MINAR1: variants seen among roughly 807,000 people sequenced by gnomAD.
MINAR1 encodes membrane integral NOTCH2 associated receptor 1.
Under a neutral mutation model 65.1 loss-of-function variants are expected in MINAR1, and 40 were observed. The ratio of observed to expected loss-of-function variants is 0.61; its 90% confidence interval spans 0.48 to 0.80. The LOEUF is 0.80. Ranked by LOEUF, MINAR1 falls within the 30% of genes least tolerant of loss-of-function variation. The probability of loss-of-function intolerance (pLI) is 0.00; values close to 1 mark genes in which losing one functional copy is unlikely to be tolerated. For missense variants in MINAR1, 1,128 were observed against 1,148.0 expected (o/e 0.98, Z 0.25); for synonymous variants, 482 against 449.1 (o/e 1.07, Z -0.93).
intron 3 of MINAR1, 146 bp downstream of exon 3, chr15:79,463,467 A>G (rs1270996754): frequency 2.2e-6 from 2 of 919,050 alleles, no homozygotes; most frequent in East Asian, 2.6e-5. Context: ...CAGAACTTTA[A>G]TAAATCATAG....
In MINAR1 at chr15:79,471,283, G is replaced by GTAAT. The variant is rs1485065645; in HGVS notation, c.*2900_*2903dup. ...ACTTCGTTTTTCCTGCATTTTAAAA[G>GTAAT]TAATAAAATATTATTTGAGATTATT... is the stretch of plus-strand genomic sequence containing the variant. On this transcript the variant is annotated 3_prime_UTR_variant, in exon 4 of 4. Coordinates refer to ENST00000305428, the MANE Select transcript of MINAR1 (RefSeq NM_015206.3). The GTAAT allele has an allele frequency of 6.6e-6, 1 of 152,458 alleles. No individual in the cohort carries two copies. The highest frequency in any genetic ancestry group is 1.5e-5 in the Non-Finnish European group (1 of 68,030). 9.4% of individuals were successfully genotyped at this position (152,458 alleles called of 1,614,324 possible).
In MINAR1 at chr15:79,457,379, G is replaced by A. The variant is rs141252372; in HGVS notation, c.1232G>A (p.Arg411His). 40 of 1,613,994 alleles carry A rather than the reference G, an allele frequency of 2.5e-5. No individual in the cohort carries two copies. Among genetic ancestry groups the A allele is most frequent in the South Asian group, 4.4e-5 (4 of 91,076 alleles). The change falls in exon 2 of 4, where the codon CGC (arginine) becomes CAC (histidine). Residue 411 changes from arginine (R) to histidine (H), a missense_variant. By Grantham distance (29) the Arg-to-His change is conservative. Transcript: ENST00000305428. ...CCCAATTTCCCAGCCCCAGAAAGGC[G>A]CCCAACTTACCTTGTGCCAAAGGAT... is the stretch of plus-strand genomic sequence containing the variant. ...QTPNFPAPER[R>H]PTYLVPKDQQ...
rs1896115305 is a variant in MINAR1, at chr15:79,472,298, TA to T, written c.*3915del. On this transcript the variant is annotated 3_prime_UTR_variant, in exon 4 of 4. Transcript: ENST00000305428. ...ATAATCAGAAATAAACCGAAAAAAA[TA>T]TAAAATGTCTTGCAGTGAGAGTTGA... 1 of 152,546 alleles carries T rather than the reference TA, an allele frequency of 6.6e-6. No individual in the cohort carries two copies. Among genetic ancestry groups the T allele is most frequent in the Non-Finnish European group, 1.5e-5 (1 of 68,020 alleles). The allele number at this position is 152,546 out of a possible 1,614,324, so 9.4% of individuals were successfully genotyped here. A position where few individuals can be genotyped will look rare whatever the true frequency, so the allele number is the denominator to read the frequency against.
chr15:79,452,529 G>A (rs918688129), intron 1 of MINAR1, among the ~76,000 whole-genome samples: 15 of 135,322 alleles, frequency 1.1e-4, no homozygotes, highest in African/African-American at 3.8e-4. Flanking sequence ...GGTATGACTG[G>A]GTGAGTGTGT....
chr15:79,443,418 G>A (rs1201248001), intron 1 of MINAR1, among the ~76,000 whole-genome samples: 1 of 152,118 alleles, frequency 6.6e-6, no homozygotes, highest in Non-Finnish European at 1.5e-5. Flanking sequence ...CAGGTGTCAG[G>A]GCAGCACATC....
chr15:79,456,294 G>A lies in MINAR1; in HGVS notation c.147G>A (p.Val49=). The change falls in exon 2 of 4, where the codon GTG becomes GTA. Residue 49 remains valine (V), a synonymous_variant. Coordinates refer to ENST00000305428, the MANE Select transcript of MINAR1 (RefSeq NM_015206.3). ...DLSQLAKLRS[V]LFYTACLDPN... is the part of the protein sequence containing the mutation. The stretch of plus-strand genomic sequence containing the variant: ...CGCAGCTTGCCAAACTGAGAAGTGT[G>A]CTCTTCTACACAGCTTGTCTCGATC... 6.2e-7 allele frequency: 1 copy of A among 1,614,148 alleles called. No homozygotes were observed. Among genetic ancestry groups the A allele is most frequent in the Non-Finnish European group, 8.5e-7 (1 of 1,180,038 alleles).
intron 1 of MINAR1, among the ~76,000 whole-genome samples, chr15:79,451,918 T>C (rs1057121940): frequency 2.2e-4 from 34 of 152,250 alleles, no homozygotes; most frequent in African/African-American, 7.9e-4. Context: ...GCTGGGATGT[T>C]AAGAAAGTTT....
the MINAR1 span, chr15:79,424,239 C>G: frequency 3.9e-5 from 6 of 152,330 alleles, no homozygotes; most frequent in African/African-American, 1.4e-4. Context: ...ACCAGACATT[C>G]AGATAGAGAG....
At chr15:79,431,940 G>T (rs1264660214), upstream of MINAR1, among the ~76,000 whole-genome samples, 30 of 152,178 alleles carry the variant, frequency 2.0e-4, no homozygotes, top group Admixed American at 2.0e-3. Context: ...CCCTTGGCGC[G>T]ACGCCGCGCC....
At chr15:79,444,894 A>C (rs1342868795) in intron 1 of MINAR1, among the ~76,000 whole-genome samples, 2 of 152,074 alleles carry the variant, frequency 1.3e-5, no homozygotes, top group Non-Finnish European at 2.9e-5. Context: ...TGTATAGATC[A>C]AGTGTGTTAA....
chr15:79,468,561 C>T lies in MINAR1; in HGVS notation c.*177C>T, dbSNP rs1477022311. 3.2e-6 allele frequency: 2 copies of T among 616,900 alleles called. No individual in the cohort carries two copies. The highest frequency in any genetic ancestry group is 4.1e-5 in the South Asian group (2 of 49,380). The allele number at this position is 616,900 out of a possible 1,614,324, so 38.2% of individuals were successfully genotyped here. On this transcript the variant is annotated 3_prime_UTR_variant, in exon 4 of 4. Transcript: ENST00000305428. ...GTATACATTCTAGTGAGAAATCTACCTACCTATTAGCTTTGACTCAATTAC... is the reference window on the plus strand; with the variant it reads ...GTATACATTCTAGTGAGAAATCTACTTACCTATTAGCTTTGACTCAATTAC...
the MINAR1 span, chr15:79,417,918 C>G: frequency 6.6e-6 from 1 of 152,230 alleles, no homozygotes; most frequent in Non-Finnish European, 1.5e-5. Context: ...CGGGCTTGGC[C>G]GTGCTGTTGA....
In MINAR1 at chr15:79,468,652, A is replaced by G; in HGVS notation, c.*268A>G. Reference sequence around the variant, plus strand: ...AAAAGAACATCATGGACTATCAATAAATACAAATTGAATATTCCAAGCCAA... The same window carrying G: ...AAAAGAACATCATGGACTATCAATAGATACAAATTGAATATTCCAAGCCAA... On this transcript the variant is annotated 3_prime_UTR_variant, in exon 4 of 4. Coordinates refer to ENST00000305428, the MANE Select transcript of MINAR1 (RefSeq NM_015206.3). The G allele has an allele frequency of 4.5e-6, 2 of 442,820 alleles. No individual in the cohort carries two copies. Among genetic ancestry groups the G allele is most frequent in the Non-Finnish European group, 8.1e-6 (2 of 248,036 alleles). 27.4% of individuals were successfully genotyped at this position (442,820 alleles called of 1,614,324 possible).
At chr15:79,433,054 G>C (rs1167148597) in intron 1 of MINAR1, among the ~76,000 whole-genome samples, 1 of 152,200 alleles carries the variant, frequency 6.6e-6, no homozygotes, top group African/African-American at 2.4e-5. Context: ...TGTTCTTCCC[G>C]AGGGTTTGAT....
chr15:79,458,411 G>T lies in MINAR1; in HGVS notation c.2264G>T (p.Gly755Val), dbSNP rs748845023. The T allele has an allele frequency of 3.7e-6, 6 of 1,611,488 alleles. No individual in the cohort carries two copies. Among genetic ancestry groups the T allele is most frequent in the Non-Finnish European group, 4.2e-6 (5 of 1,178,992 alleles). ...GAGGAGATAAAAGACACAGGCCCAG[G>T]AGATAATAAAGACTGGCATCGGAAA... The part of the protein sequence containing the change: ...NEEEIKDTGP[G>V]DNKDWHRKSK... The change falls in exon 2 of 4, where the codon GGA becomes GTA. Residue 755 changes from glycine to valine, a missense_variant. Physicochemically the swap from Gly to Val is moderately radical, Grantham distance 109. Coordinates refer to ENST00000305428, the MANE Select transcript of MINAR1 (RefSeq NM_015206.3).
rs573975433 is a variant in MINAR1, at chr15:79,461,731, G to A, written c.2299-1336G>A. ...GCTGGTAGGTGGAGATGTGTTTCCA[G>A]TCCCCATGCAGGTGTAGGACCCACA... On this transcript the variant is annotated intron_variant, in intron 2 of 3. Coordinates refer to ENST00000305428, the MANE Select transcript of MINAR1 (RefSeq NM_015206.3). Among the ~76,000 whole-genome samples, 6 of 152,264 alleles carry A rather than the reference G, an allele frequency of 3.9e-5. No individual in the cohort carries two copies. In the East Asian group the frequency reaches 1.2e-3, roughly 29 times the overall value.
chr15:79,431,024 T>C (rs1157009881), upstream of MINAR1, among the ~76,000 whole-genome samples: 1 of 152,208 alleles, frequency 6.6e-6, no homozygotes, highest in Non-Finnish European at 1.5e-5. Context: ...AGGCTGAGAC[T>C]GAGATCTGCG....
intron 2 of MINAR1, among the ~76,000 whole-genome samples, chr15:79,460,211 A>C (rs935771045): frequency 3.9e-5 from 6 of 152,140 alleles, no homozygotes; most frequent in African/African-American, 1.4e-4. Flanking sequence ...GACTCTCACC[A>C]CCTTGGGGAT....
In MINAR1 at chr15:79,469,529, T is replaced by TTATCTATATGTCTATCTATC. The variant is rs546066913; in HGVS notation, c.*1172_*1191dup. 75 of 152,606 alleles carry TTATCTATATGTCTATCTATC rather than the reference T, an allele frequency of 4.9e-4. 1 individual carries two copies. The highest frequency in any genetic ancestry group is 1.7e-3 in the African/African-American group (70 of 41,576). The allele number at this position is 152,606 out of a possible 1,614,324, so 9.5% of individuals were successfully genotyped here. A position where few individuals can be genotyped will look rare whatever the true frequency, so the allele number is the denominator to read the frequency against. On this transcript the variant is annotated 3_prime_UTR_variant, in exon 4 of 4. Coordinates refer to ENST00000305428, the MANE Select transcript of MINAR1 (RefSeq NM_015206.3). ...CAAAAAATATTATCTGTTTAACCAC[T>TTATCTATATGTCTATCTATC]TATCTATATGTCTATCTATCTATCT...
Sources: gnomAD v4.1 joint callset for allele counts (sites outside exome capture counted in the v4.1 genomes callset) on GRCh38, gnomAD v4.1.1 for gene constraint, MANE v1.5 for transcripts, NCBI Gene and HGNC (gene_info 2026-07-23, HGNC 2026-07-21) for gene names.